TCEANC2: variants seen among roughly 807,000 people sequenced by gnomAD.
TCEANC2 encodes transcription elongation factor A N-terminal and central domain containing 2, also known as transcription elongation factor A N-terminal and central domain-containing protein 2.
TCEANC2 carries 20 observed loss-of-function variants against 22.8 expected under a neutral mutation model. That is an observed-to-expected ratio of 0.88 (90% CI 0.62 to 1.28). The LOEUF is 1.28. TCEANC2 is among the 50% of genes most tolerant of loss of function. The probability of loss-of-function intolerance (pLI) is 0.00; values close to 1 mark genes in which losing one functional copy is unlikely to be tolerated. For missense variants in TCEANC2, 251 were observed against 249.7 expected (o/e 1.01, Z -0.03); for synonymous variants, 84 against 95.5 (o/e 0.88, Z 0.70).
chr1:54,064,961 T>C (rs1013349771), intron 2 of TCEANC2, among the ~76,000 whole-genome samples: 1 of 152,072 alleles, frequency 6.6e-6, no homozygotes, highest in Non-Finnish European at 1.5e-5. Context: ...TGGCCTCCCA[T>C]AGTGCCGGGA....
At chr1:54,089,488 G>C (rs1373504222) in intron 4 of TCEANC2, among the ~76,000 whole-genome samples, 1 of 152,088 alleles carries the variant, frequency 6.6e-6, no homozygotes, top group Non-Finnish European at 1.5e-5. Flanking sequence ...AAGGATTTTT[G>C]CTCATTAATA....
Position 54,103,156 on chromosome 1 carries a change from T to C in TCEANC2, c.*6683T>C, listed in dbSNP as rs1658690326. On this transcript the variant is annotated 3_prime_UTR_variant, in exon 5 of 5. Coordinates refer to ENST00000234827, the MANE Select transcript of TCEANC2 (RefSeq NM_153035.3). ...GCACTAAACAACAATGTACACACAG[T>C]TGACATCAACCAGTCTCTGAGGCCA... 1 of 152,224 alleles carries C rather than the reference T, an allele frequency of 6.6e-6. No homozygotes were observed. Among genetic ancestry groups the C allele is most frequent in the South Asian group, 2.1e-4 (1 of 4,824 alleles). 9.4% of individuals were successfully genotyped at this position (152,224 alleles called of 1,614,324 possible). A position where few individuals can be genotyped will look rare whatever the true frequency, so the allele number is the denominator to read the frequency against.
chr1:54,064,353 T>C (rs1190419988), intron 2 of TCEANC2, among the ~76,000 whole-genome samples: 1 of 152,188 alleles, frequency 6.6e-6, no homozygotes, highest in Admixed American at 6.5e-5. Context: ...AACGAAAGCA[T>C]AGATTTACTG....
downstream of TCEANC2, among the ~76,000 whole-genome samples, chr1:54,106,415 A>G (rs1007193113): frequency 6.6e-6 from 1 of 152,256 alleles, no homozygotes; most frequent in Non-Finnish European, 1.5e-5. Flanking sequence ...AATTAATTTT[A>G]ATAATATATT....
In TCEANC2 at chr1:54,098,807, G is replaced by A. The variant is rs773796428; in HGVS notation, c.*2334G>A. 3 of 152,216 alleles carry A rather than the reference G, an allele frequency of 2.0e-5. No individual in the cohort carries two copies. Among genetic ancestry groups the A allele is most frequent in the Non-Finnish European group, 4.4e-5 (3 of 68,074 alleles). 9.4% of individuals were successfully genotyped at this position (152,216 alleles called of 1,614,324 possible). On this transcript the variant is annotated 3_prime_UTR_variant, in exon 5 of 5. Coordinates refer to ENST00000234827, the MANE Select transcript of TCEANC2 (RefSeq NM_153035.3). Reference sequence around the variant, plus strand: ...CTTAAAGGGCAGGAGTTTGGATAGGGGAATGTTAGTTAATAGAATGAAAAT... The same window carrying A: ...CTTAAAGGGCAGGAGTTTGGATAGGAGAATGTTAGTTAATAGAATGAAAAT...
rs1487200447 is a variant in TCEANC2, at chr1:54,104,709, T to G, written c.*8236T>G. 2.3e-6 allele frequency: 1 copy of G among 437,882 alleles called. No individual in the cohort carries two copies. The allele number at this position is 437,882 out of a possible 1,614,324, so 27.1% of individuals were successfully genotyped here. On this transcript the variant is annotated 3_prime_UTR_variant, in exon 5 of 5. Coordinates refer to ENST00000234827, the MANE Select transcript of TCEANC2 (RefSeq NM_153035.3). ...GGCATGTGCCACCATGCCCAGCTGA[T>G]TTTTGTATTTTTAGTAGAGATGGAG... is the stretch of plus-strand genomic sequence containing the variant.
At chr1:54,061,794 G>A (rs1314407946) in intron 2 of TCEANC2, among the ~76,000 whole-genome samples, 1 of 151,996 alleles carries the variant, frequency 6.6e-6, no homozygotes, top group South Asian at 2.1e-4. Context: ...AACTGAAGAG[G>A]TATAAAAATC....
chr1:54,085,520 G>T (rs1198274487), intron 3 of TCEANC2, among the ~76,000 whole-genome samples: 1 of 151,580 alleles, frequency 6.6e-6, no homozygotes, highest in African/African-American at 2.4e-5. Context: ...TTTGGTGTTG[G>T]TCCATATCAT....
At position 54,096,648 on chromosome 1, in the gene TCEANC2, A is replaced by C; in HGVS notation, c.*175A>C. The C allele has an allele frequency of 7.6e-7, 1 of 1,318,748 alleles. No homozygotes were observed. Among genetic ancestry groups the C allele is most frequent in the Non-Finnish European group, 9.8e-7 (1 of 1,016,138 alleles). 81.7% of individuals were successfully genotyped at this position (1,318,748 alleles called of 1,614,324 possible). Reference sequence around the variant, plus strand: ...GAGCCCTAGGAGACAGGCCTGCAGGAATGTGCTTCATTAGCTGCAGTGCGC... The same window carrying C: ...GAGCCCTAGGAGACAGGCCTGCAGGCATGTGCTTCATTAGCTGCAGTGCGC... On this transcript the variant is annotated 3_prime_UTR_variant, in exon 5 of 5. Transcript: ENST00000234827. The surrounding 1 kb of genome is among the most constrained non-coding windows in gnomAD (Gnocchi z 4.9).
chr1:54,089,940 C>T (rs192488879), intron 4 of TCEANC2: 10 of 769,500 alleles, frequency 1.3e-5, no homozygotes, highest in East Asian at 1.1e-4. Flanking sequence ...CCACCGGAAA[C>T]GTACACCTGA....
intron 2 of TCEANC2, among the ~76,000 whole-genome samples, chr1:54,057,214 T>A (rs1657767238): frequency 6.6e-6 from 1 of 150,532 alleles, no homozygotes; most frequent in Non-Finnish European, 1.5e-5. Context: ...CATATCCAAT[T>A]TTCTTTTTTC....
At chr1:54,088,521 G>A (rs1297489607) in intron 3 of TCEANC2, 76 bp from the exon 4 acceptor site, 22 of 1,234,386 alleles carry the variant, frequency 1.8e-5, no homozygotes, top group African/African-American at 4.7e-5. Context: ...AGTGCCACAC[G>A]TCAGTCCATC....
At chr1:54,067,621 A>T (rs977457092) in intron 2 of TCEANC2, among the ~76,000 whole-genome samples, 1 of 152,156 alleles carries the variant, frequency 6.6e-6, no homozygotes, top group African/African-American at 2.4e-5. Flanking sequence ...AGTGGATTGG[A>T]GAGGAAGAGA....
chr1:54,071,534 A>G (rs1658055733), intron 3 of TCEANC2, among the ~76,000 whole-genome samples: 1 of 152,210 alleles, frequency 6.6e-6, no homozygotes, highest in African/African-American at 2.4e-5. Context: ...ACAAGAAAAC[A>G]AGAGAACAAC....
chr1:54,072,090 G>A (rs887358502), intron 3 of TCEANC2, among the ~76,000 whole-genome samples: 1 of 152,178 alleles, frequency 6.6e-6, no homozygotes, highest in Admixed American at 6.5e-5. Flanking sequence ...GGGATTACAT[G>A]TGTGAGCCAC....
At chr1:54,065,270 A>G (rs1657931531) in intron 2 of TCEANC2, among the ~76,000 whole-genome samples, 1 of 152,228 alleles carries the variant, frequency 6.6e-6, no homozygotes, top group Non-Finnish European at 1.5e-5. Context: ...CTAAAGAAGT[A>G]ACTTAGTATG....
downstream of TCEANC2, among the ~76,000 whole-genome samples, chr1:54,107,343 G>C (rs1486823053): frequency 6.6e-6 from 1 of 152,140 alleles, no homozygotes; most frequent in African/African-American, 2.4e-5. Flanking sequence ...TTCACAGCAG[G>C]GGGCACATGG....
At position 54,100,591 on chromosome 1, in the gene TCEANC2, T is replaced by G. The variant is rs867120924; in HGVS notation, c.*4118T>G. ...TTTGAACCAAAGCCAGAAGGATAGG[T>G]AGGAGTTCTTAGCAGAGGGCTCAGT... On this transcript the variant is annotated 3_prime_UTR_variant, in exon 5 of 5. Coordinates refer to ENST00000234827, the MANE Select transcript of TCEANC2 (RefSeq NM_153035.3). 3 of 152,228 alleles carry G rather than the reference T, an allele frequency of 2.0e-5. No individual in the cohort carries two copies. Among genetic ancestry groups the G allele is most frequent in the African/African-American group, 7.2e-5 (3 of 41,538 alleles). The allele number at this position is 152,228 out of a possible 1,614,324, so 9.4% of individuals were successfully genotyped here. A position where few individuals can be genotyped will look rare whatever the true frequency, so the allele number is the denominator to read the frequency against.
chr1:54,098,656 G>A lies in TCEANC2; in HGVS notation c.*2183G>A, dbSNP rs1658602349. 6.6e-6 allele frequency: 1 copy of A among 152,214 alleles called. No homozygotes were observed. Among genetic ancestry groups the A allele is most frequent in the South Asian group, 2.1e-4 (1 of 4,830 alleles). The allele number at this position is 152,214 out of a possible 1,614,324, so 9.4% of individuals were successfully genotyped here. ...TTATATCTCCAGCATCTGGAACAGAGCCTGGGACAAGCTAGGTCTCCATAA... is the reference window on the plus strand; with the variant it reads ...TTATATCTCCAGCATCTGGAACAGAACCTGGGACAAGCTAGGTCTCCATAA... On this transcript the variant is annotated 3_prime_UTR_variant, in exon 5 of 5. Transcript: ENST00000234827.
Sources: allele counts gnomAD v4.1 joint callset (sites outside exome capture counted in the v4.1 genomes callset), GRCh38; gene constraint gnomAD v4.1.1; non-coding constraint Gnocchi (gnomAD v3.1); transcripts MANE v1.5; gene names NCBI Gene and HGNC (gene_info 2026-07-23, HGNC 2026-07-21).